The following ABRA variants were observed in gnomAD, a reference collection of about 807,000 sequenced individuals.
The protein encoded by ABRA is actin-binding Rho-activating protein.
ABRA carries 25 observed loss-of-function variants against 33.4 expected under a neutral mutation model. The ratio of observed to expected loss-of-function variants is 0.75; its 90% CI spans 0.55 to 1.04. The LOEUF (loss-of-function observed/expected upper bound fraction) is 1.04. Ranked by LOEUF, ABRA falls within the 50% of genes least tolerant of loss-of-function variation. ABRA has a pLI of 0.00. For missense variants in ABRA, 501 were observed against 491.7 expected (o/e 1.02, Z -0.18); for synonymous variants, 193 against 176.8 (o/e 1.09, Z -0.73).
rs757603393 is a variant in ABRA at position 106,768,658 on chromosome 8, G to A, written c.668+865C>T. 2.0e-5 allele frequency among the ~76,000 whole-genome samples: 3 copies of A among 152,226 alleles called. No homozygotes were observed. The East Asian group carries it at 5.8e-4, about 29-fold the overall frequency. Reference sequence around the variant, plus strand: ...CTTTTTTTAATTTTTATGTGAAACAGAGTCTTGCTGTGTTGCCCAGGCTGG... The same window carrying A: ...CTTTTTTTAATTTTTATGTGAAACAAAGTCTTGCTGTGTTGCCCAGGCTGG... On this transcript the variant is annotated intron_variant, in intron 1 of 1. Coordinates refer to ENST00000311955, the MANE Select transcript of ABRA (RefSeq NM_139166.5).
In ABRA at chr8:106,769,592, G is replaced by A. The variant is rs1468720012; in HGVS notation, c.599C>T (p.Ala200Val). The A allele has an allele frequency of 2.5e-6, 4 of 1,614,060 alleles. No homozygotes were observed. The highest frequency in any genetic ancestry group is 4.5e-5 in the East Asian group (2 of 44,888). ...TCCATCCTGCTCGGGCCTCTCCTCA[G>A]CCTCTCCTCCATAGCCGCTGTCCTC... ...DTEDSGYGGE[A>V]EERPEQDGVQ... is the part of the protein sequence containing the mutation. The change falls in exon 1 of 2, where the codon GCT (alanine) becomes GTT (valine). Residue 200 changes from alanine (A) to valine (V), a missense_variant. Ala to Val is a moderately conservative substitution (Grantham distance 64, BLOSUM62 0). Transcript: ENST00000311955.
chr8:106,769,945 T>C lies in ABRA; in HGVS notation c.246A>G (p.Pro82=), dbSNP rs1463159163. 1.2e-6 allele frequency: 2 copies of C among 1,614,042 alleles called. No homozygotes were observed. The highest frequency in any genetic ancestry group is 1.7e-6 in the Non-Finnish European group (2 of 1,180,010). ...CTCCATGTCCTTCTGGCAGGCGGGG[T>C]GGCGACTTTGGGGCACTCTGAGCTT... ...HQKAQSAPKS[P]PRLPEGHGDG... The change falls in exon 1 of 2, where the codon CCA becomes CCG. Residue 82 remains proline (P), a synonymous_variant. Transcript: ENST00000311955.
chr8:106,769,658 T>G lies in ABRA; in HGVS notation c.533A>C (p.Glu178Ala), dbSNP rs768046006. 3 of 1,614,142 alleles carry G rather than the reference T, an allele frequency of 1.9e-6. No homozygotes were observed. The Admixed American group carries it at 5.0e-5, about 27-fold the overall frequency. The change falls in exon 1 of 2, where the codon GAG (glutamate) becomes GCG (alanine). Residue 178 changes from glutamate to alanine, a missense_variant. By Grantham distance (107) the Glu-to-Ala change is moderately radical (BLOSUM62 -1). Coordinates refer to ENST00000311955, the MANE Select transcript of ABRA (RefSeq NM_139166.5). ...SELTKGWRVMEQEEPTWRSDS... is the reference protein window; with the variant it reads ...SELTKGWRVMAQEEPTWRSDS... ...ACTCCTCCATGTGGGCTCCTCCTGC[T>G]CCATCACTCTCCAGCCCTTGGTTAG...
In ABRA at chr8:106,759,815, A is replaced by T. The variant is rs1210719212; in HGVS notation, c.*1222T>A. 2 of 152,220 alleles carry T rather than the reference A, an allele frequency of 1.3e-5. No homozygotes were observed. Among genetic ancestry groups the T allele is most frequent in the Non-Finnish European group, 2.9e-5 (2 of 68,022 alleles). 9.4% of individuals were successfully genotyped at this position (152,220 alleles called of 1,614,324 possible). A position where few individuals can be genotyped will look rare whatever the true frequency, so the allele number is the denominator to read the frequency against. On this transcript the variant is annotated 3_prime_UTR_variant, in exon 2 of 2. Coordinates refer to ENST00000311955, the MANE Select transcript of ABRA (RefSeq NM_139166.5). ...GCATTTTAGTAATTTCATTGAATCC[A>T]GTAAGAATTGCAATCTCACATTCCA... is the stretch of plus-strand genomic sequence containing the variant.
At chr8:106,766,342 T>G (rs575186391) in intron 1 of ABRA, among the ~76,000 whole-genome samples, 1 of 152,206 alleles carries the variant, frequency 6.6e-6, no homozygotes, top group South Asian at 2.1e-4. Flanking sequence ...CTACTATCCA[T>G]GGAACATCTT....
At chr8:106,761,662 G>A in intron 1 of ABRA, 148 bp from the exon 2 acceptor site, 1 of 703,842 alleles carries the variant, frequency 1.4e-6, no homozygotes, top group Non-Finnish European at 2.2e-6. Context: ...AATTAGAAAT[G>A]AAAGAAGAAA....
chr8:106,765,557 G>A (rs917722743), intron 1 of ABRA, among the ~76,000 whole-genome samples: 1 of 152,058 alleles, frequency 6.6e-6, no homozygotes, highest in Non-Finnish European at 1.5e-5. Context: ...CCTACAGACA[G>A]TTTAGCCCAT....
Position 106,769,728 on chromosome 8 carries a change from C to A in ABRA, c.463G>T (p.Gly155Cys). 3.1e-6 allele frequency: 5 copies of A among 1,614,184 alleles called. No homozygotes were observed. The highest frequency in any genetic ancestry group is 4.2e-6 in the Non-Finnish European group (5 of 1,180,026). The change falls in exon 1 of 2, where the codon GGC becomes TGC. Residue 155 changes from glycine (G) to cysteine (C), a missense_variant. Gly to Cys is a radical substitution (Grantham distance 159). Coordinates refer to ENST00000311955, the MANE Select transcript of ABRA (RefSeq NM_139166.5). Reference sequence around the variant, plus strand: ...CATTTTCTCCTCCGCGTTGGGGAGCCGTGGCTGTGGAGGATTCTGTCAATG... The same window carrying A: ...CATTTTCTCCTCCGCGTTGGGGAGCAGTGGCTGTGGAGGATTCTGTCAATG... ...NDIDRILHSH[G>C]SPTRRRKCAN...
chr8:106,768,449 T>A (rs1810537977), intron 1 of ABRA, among the ~76,000 whole-genome samples: 1 of 152,224 alleles, frequency 6.6e-6, no homozygotes, highest in African/African-American at 2.4e-5. Context: ...TAGGACAAAC[T>A]GTTTTTGAAA....
chr8:106,761,539 T>C (rs1836141253), intron 1 of ABRA, 25 bp from the exon 2 acceptor site: 2 of 1,580,904 alleles, frequency 1.3e-6, no homozygotes, highest in Non-Finnish European at 1.7e-6. Flanking sequence ...GGGTGAACAA[T>C]CAAGATTCAG....
intron 1 of ABRA, 137 bp downstream of exon 1, chr8:106,769,386 C>T (rs1810559777): frequency 8.1e-7 from 1 of 1,227,260 alleles, no homozygotes; most frequent in Non-Finnish European, 1.1e-6. Context: ...CCCTCCTCTA[C>T]AGTACTCACT....
rs1836106416 is a variant in ABRA at position 106,759,549 on chromosome 8, T to C, written c.*1488A>G. On this transcript the variant is annotated 3_prime_UTR_variant, in exon 2 of 2. Coordinates refer to ENST00000311955, the MANE Select transcript of ABRA (RefSeq NM_139166.5). ...CATTTGGCGTAGGTTTCACTTGTAA[T>C]AGAAGTGTGCATCTTACATGAAATC... 1 of 152,222 alleles carries C rather than the reference T, an allele frequency of 6.6e-6. No homozygotes were observed. Among genetic ancestry groups the C allele is most frequent in the East Asian group, 1.9e-4 (1 of 5,206 alleles). 9.4% of individuals were successfully genotyped at this position (152,222 alleles called of 1,614,324 possible).
intron 1 of ABRA, among the ~76,000 whole-genome samples, chr8:106,767,640 C>G (rs1333744736): frequency 1.3e-5 from 2 of 152,204 alleles, no homozygotes; most frequent in Admixed American, 1.3e-4. Flanking sequence ...AATAGCTACT[C>G]AAAGGATTAT....
At position 106,769,832 on chromosome 8, in the gene ABRA, C is replaced by T; in HGVS notation, c.359G>A (p.Arg120Lys). Residue 120 changes from arginine (R) to lysine (K), a missense_variant, in exon 1 of 2, where the codon AGA becomes AAA. Transcript: ENST00000311955. ...GCTGAGGTGGCTCACGTCCCCTCCT[C>T]TCTCATAAGTCTTGCTGACCACCGT... ...SKTVVSKTYERGGDVSHLSHR... is the reference protein window; with the variant it reads ...SKTVVSKTYEKGGDVSHLSHR... 2.5e-6 allele frequency: 4 copies of T among 1,614,114 alleles called. No homozygotes were observed. The highest frequency in any genetic ancestry group is 2.5e-6 in the Non-Finnish European group (3 of 1,180,034).
intron 1 of ABRA, among the ~76,000 whole-genome samples, chr8:106,767,977 C>A (rs1430445990): frequency 6.6e-6 from 1 of 151,906 alleles, no homozygotes; most frequent in Non-Finnish European, 1.5e-5. Flanking sequence ...CACCTGTAAT[C>A]CCAGCTATTC....
Position 106,760,252 on chromosome 8 carries a change from C to T in ABRA, c.*785G>A, listed in dbSNP as rs1020724532. ...TCTACTTTTAGTGAGGGTGTGCCTT[C>T]CTTTGTTGGTACTAAGACAGGAAGT... On this transcript the variant is annotated 3_prime_UTR_variant, in exon 2 of 2. Coordinates refer to ENST00000311955, the MANE Select transcript of ABRA (RefSeq NM_139166.5). The T allele has an allele frequency of 6.6e-5, 10 of 152,142 alleles. No individual in the cohort carries two copies. Among genetic ancestry groups the T allele is most frequent in the Non-Finnish European group, 7.4e-5 (5 of 68,024 alleles). The allele number at this position is 152,142 out of a possible 1,614,324, so 9.4% of individuals were successfully genotyped here. A position where few individuals can be genotyped will look rare whatever the true frequency, so the allele number is the denominator to read the frequency against.
rs1836105745 is a variant in ABRA at position 106,759,498 on chromosome 8, TTTATTC to T, written c.*1533_*1538del. ...GAACAGAAAATACAAGAAAACATCT[TTTATTC>T]TTATGCTATTTGTCTTTAACATTTG... On this transcript the variant is annotated 3_prime_UTR_variant, in exon 2 of 2. Coordinates refer to ENST00000311955, the MANE Select transcript of ABRA (RefSeq NM_139166.5). 6.6e-6 allele frequency: 1 copy of T among 152,218 alleles called. No homozygotes were observed. The highest frequency in any genetic ancestry group is 1.5e-5 in the Non-Finnish European group (1 of 68,036). The allele number at this position is 152,218 out of a possible 1,614,324, so 9.4% of individuals were successfully genotyped here. A position where few individuals can be genotyped will look rare whatever the true frequency, so the allele number is the denominator to read the frequency against.
intron 1 of ABRA, among the ~76,000 whole-genome samples, chr8:106,766,236 C>G (rs1836218693): frequency 6.6e-6 from 1 of 152,014 alleles, no homozygotes; most frequent in Non-Finnish European, 1.5e-5. Context: ...ATTTTTAAAG[C>G]AAGACAAAAT....
Position 106,769,752 on chromosome 8 carries a change from TG to T in ABRA, c.438del (p.Asp146GlufsTer25). 1 of 1,614,186 alleles carries T rather than the reference TG, an allele frequency of 6.2e-7. No individual in the cohort carries two copies. On this transcript the variant is annotated frameshift_variant, in exon 1 of 2. Transcript: ENST00000311955. LOFTEE classifies it high-confidence loss of function. ...CCGTGGCTGTGGAGGATTCTGTCAA[TG>T]TCATTCTCTGGCTGCCCAGGTTCAA... Reference protein sequence around the residue: ...GVLEPGQPENDIDRILHSHGS... With the variant: ...GVLEPGQPENXIDRILHSHGS...
Sources: allele counts gnomAD v4.1 joint callset (sites outside exome capture counted in the v4.1 genomes callset), GRCh38; gene constraint gnomAD v4.1.1; transcripts MANE v1.5; gene names NCBI Gene and HGNC (gene_info 2026-07-23, HGNC 2026-07-21).